Variants in PAGE3 observed in about 807,000 individuals in gnomAD.
PAGE3 encodes the protein PAGE family member 3, also known as P antigen family member 3.
In PAGE3, 9 loss-of-function variants were observed where a neutral mutation model predicts 3.8. The ratio of observed to expected loss-of-function variants is 2.36; its 90% confidence interval spans 1.42 to 4.12. The LOEUF is 4.12. Among genes scored for constraint, PAGE3 ranks in the 30% most tolerant of loss-of-function variants. The pLI is 0.00. For missense variants in PAGE3, 73 were observed against 37.8 expected, an observed-to-expected ratio of 1.93 and a Z score of -2.44; for synonymous variants, 24 against 13.1, an observed-to-expected ratio of 1.83 and a Z score of -1.79.
At chrX:55,262,199 T>G (rs182373819) in intron 3 of PAGE3, among the ~76,000 whole-genome samples, 23 of 111,914 alleles carry the variant, frequency 2.1e-4, no homozygotes, top group African/African-American at 7.1e-4. Flanking sequence ...CAAAATGCCA[T>G]ACCTGGAAGA....
intron 2 of PAGE3, 96 bp downstream of exon 2, chrX:55,263,724 A>G (rs1938339573): frequency 2.2e-6 from 1 of 445,133 alleles, no homozygotes; most frequent in Non-Finnish European, 3.9e-6. Context: ...ACCATTTACA[A>G]GCATGGAAAA....
chrX:55,263,333 C>G lies in PAGE3; in HGVS notation c.111G>C (p.Gln37His). 1 of 569,146 alleles carries G rather than the reference C, an allele frequency of 1.8e-6. No homozygotes were observed. The highest frequency in any genetic ancestry group is 3.2e-6 in the Non-Finnish European group (1 of 308,804). The allele number at this position is 569,146 out of a possible 1,213,427, so 46.9% of individuals were successfully genotyped here. ...CAATTGGTGGTTCCTCTTGTTGAAG[C>G]TGGTCATTACTGGGCAGCTCCTGGG... ...VVAQELPSNDQLQQEEPPIES... is the reference protein window; with the variant it reads ...VVAQELPSNDHLQQEEPPIES... The change falls in exon 3 of 5, where the codon CAG (glutamine) becomes CAC (histidine). Residue 37 changes from glutamine to histidine, a missense_variant. Coordinates refer to ENST00000374951, the MANE Select transcript of PAGE3 (RefSeq NM_001017931.3).
intron 1 of PAGE3, among the ~76,000 whole-genome samples, chrX:55,264,316 G>A (rs749154327): frequency 2.7e-5 from 3 of 110,771 alleles, no homozygotes; most frequent in African/African-American, 9.8e-5. Flanking sequence ...ATTCCTGCCC[G>A]AGATGTCAGT....
intron 3 of PAGE3, among the ~76,000 whole-genome samples, chrX:55,262,713 T>TATATATATATATATATGTA (rs1938309438): frequency 2.7e-5 from 1 of 37,293 alleles, no homozygotes; most frequent in African/African-American, 4.5e-5. Context: ...GATATATATA[T>TATATATATATATATATGTA]ATATATATAT....
At chrX:55,262,887 G>A (rs894154613) in intron 3 of PAGE3, among the ~76,000 whole-genome samples, 2 of 107,012 alleles carry the variant, frequency 1.9e-5, no homozygotes, top group African/African-American at 3.4e-5. Flanking sequence ...AGCACTCTAC[G>A]CATGCTATTA....
rs1359218103 is a variant in PAGE3, at chrX:55,263,353, C to T, written c.91G>A (p.Glu31Lys). 2 of 565,467 alleles carry T rather than the reference C, an allele frequency of 3.5e-6. No individual in the cohort carries two copies. Among genetic ancestry groups the T allele is most frequent in the Admixed American group, 2.3e-5 (1 of 44,359 alleles). The allele number at this position is 565,467 out of a possible 1,213,427, so 46.6% of individuals were successfully genotyped here. ...NHPVGAVVAQ[E>K]LPSNDQLQQE... ...TGAAGCTGGTCATTACTGGGCAGCTCCTGGGCCTAGGAATATGAGTGCGTG... is the reference window on the plus strand; with the variant it reads ...TGAAGCTGGTCATTACTGGGCAGCTTCTGGGCCTAGGAATATGAGTGCGTG... The change falls in exon 3 of 5, where the codon GAG becomes AAG. Residue 31 changes from glutamate (E) to lysine (K), a missense_variant. Physicochemically the swap from Glu to Lys is moderately conservative, Grantham distance 56. Coordinates refer to ENST00000374951, the MANE Select transcript of PAGE3 (RefSeq NM_001017931.3).
rs143395713 is a variant in PAGE3 at position 55,260,132 on chromosome X, A to C, written c.319+402T>G. Among the ~76,000 whole-genome samples the C allele has an allele frequency of 3.7e-3, 414 of 111,880 alleles. 2 individuals carry two copies. The highest frequency in any genetic ancestry group is 0.013 in the African/African-American group (396 of 30,911). On this transcript the variant is annotated intron_variant, in intron 4 of 4. Coordinates refer to ENST00000374951, the MANE Select transcript of PAGE3 (RefSeq NM_001017931.3). ...GGTTTAGAAGATAAGGAATTTGCCC[A>C]AAGTCAGTGAAATTTTGTTAGAGCT...
At chrX:55,260,799 A>G (rs973767020) in intron 3 of PAGE3, 140 bp from the exon 4 acceptor site, 1 of 349,177 alleles carries the variant, frequency 2.9e-6, no homozygotes, top group Non-Finnish European at 5.1e-6. Context: ...TAAGAATTTC[A>G]AGAACATTAT....
chrX:55,259,789 T>G (rs1938254098), intron 4 of PAGE3, among the ~76,000 whole-genome samples: 1 of 111,036 alleles, frequency 9.0e-6, no homozygotes, highest in East Asian at 2.8e-4. Flanking sequence ...CTCATATAAT[T>G]TTATATTTTT....
Position 55,258,485 on chromosome X carries a change from A to C in PAGE3, c.*21T>G, listed in dbSNP as rs768616727. 14 of 560,684 alleles carry C rather than the reference A, an allele frequency of 2.5e-5. No homozygotes were observed. Among genetic ancestry groups the C allele is most frequent in the African/African-American group, 4.5e-5 (2 of 44,287 alleles). The allele number at this position is 560,684 out of a possible 1,213,427, so 46.2% of individuals were successfully genotyped here. On this transcript the variant is annotated 3_prime_UTR_variant, in exon 5 of 5. Transcript: ENST00000374951. The stretch of plus-strand genomic sequence containing the variant: ...AGTTTCCAACATAAAGACTGCATGT[A>C]TGGTTTCAGCTTGTCTTCATTTAAA...
chrX:55,263,125 A>G (rs1938320610), intron 3 of PAGE3, 126 bp downstream of exon 3: 1 of 414,942 alleles, frequency 2.4e-6, no homozygotes, highest in African/African-American at 2.6e-5. Context: ...TTTTCCAGCC[A>G]ATTTTCAGGA....
Position 55,263,923 on chromosome X carries a change from A to T in PAGE3, c.-8-12T>A, listed in dbSNP as rs767347994. 1.8e-6 allele frequency: 1 copy of T among 558,462 alleles called. No homozygotes were observed. Among genetic ancestry groups the T allele is most frequent in the Non-Finnish European group, 3.3e-6 (1 of 306,339 alleles). The allele number at this position is 558,462 out of a possible 1,213,427, so 46.0% of individuals were successfully genotyped here. A position where few individuals can be genotyped will look rare whatever the true frequency, so the allele number is the denominator to read the frequency against. ...ACTCATGTTTCACTCTGAAAGTGGC[A>T]TACTGTGATTCAGAAAATGTACATA... On this transcript the variant is annotated splice_polypyrimidine_tract_variant and intron_variant, in intron 1 of 4. Coordinates refer to ENST00000374951, the MANE Select transcript of PAGE3 (RefSeq NM_001017931.3).
rs1336169869 is a variant in PAGE3, at chrX:55,263,841, A to G, written c.63T>C (p.Asn21=). 2 of 569,208 alleles carry G rather than the reference A, an allele frequency of 3.5e-6. No individual in the cohort carries two copies. The highest frequency in any genetic ancestry group is 4.4e-5 in the Admixed American group (2 of 44,979). 46.9% of individuals were successfully genotyped at this position (569,208 alleles called of 1,213,427 possible). ...TCACAACCACAGCCCCTACTGGATG[A>G]TTAGAGTCTTGATCATCTCTTCTTT... ...SRERRDDQDS[N]HPVGAVVAQE... Residue 21 remains asparagine (N), a synonymous_variant, in exon 2 of 5, where the codon AAT becomes AAC. Coordinates refer to ENST00000374951, the MANE Select transcript of PAGE3 (RefSeq NM_001017931.3).
intron 3 of PAGE3, among the ~76,000 whole-genome samples, chrX:55,263,013 A>G (rs1446243211): frequency 9.1e-6 from 1 of 109,689 alleles, no homozygotes; most frequent in Non-Finnish European, 1.9e-5. Flanking sequence ...GTTTCCCTGG[A>G]TTTGCTAATG....
Position 55,259,902 on chromosome X carries a change from A to G in PAGE3, c.319+632T>C, listed in dbSNP as rs941147321. On this transcript the variant is annotated intron_variant, in intron 4 of 4. Coordinates refer to ENST00000374951, the MANE Select transcript of PAGE3 (RefSeq NM_001017931.3). Reference sequence around the variant, plus strand: ...AAATATTTTTAATCTAAATATTCTAATGGAATGGATCAGGAATGTAGAGCA... The same window carrying G: ...AAATATTTTTAATCTAAATATTCTAGTGGAATGGATCAGGAATGTAGAGCA... Among the ~76,000 whole-genome samples the G allele has an allele frequency of 1.1e-4, 12 of 111,327 alleles. No individual in the cohort carries two copies. The East Asian group carries it at 3.1e-3, about 29-fold the overall frequency.
At chrX:55,263,941 T>C (rs755671765) in intron 1 of PAGE3, 30 bp from the exon 2 acceptor site, 8 of 547,583 alleles carry the variant, frequency 1.5e-5, no homozygotes, top group Non-Finnish European at 3.3e-6. Flanking sequence ...ATTCAGAAAA[T>C]GTACATAAGA....
intron 4 of PAGE3, among the ~76,000 whole-genome samples, chrX:55,260,114 A>T (rs1394461243): frequency 8.9e-6 from 1 of 111,772 alleles, no homozygotes; most frequent in Admixed American, 9.5e-5. Context: ...ATGGGTTTAG[A>T]AGATAAGGAA....
chrX:55,263,472 AT>A (rs770424128), intron 2 of PAGE3, 113 bp from the exon 3 acceptor site: 8 of 431,018 alleles, frequency 1.9e-5, no homozygotes, highest in South Asian at 8.0e-5. Context: ...GTCTAAAGAC[AT>A]TTTTTTCCTA....
At chrX:55,262,698 C>A (rs1420672661) in intron 3 of PAGE3, among the ~76,000 whole-genome samples, 1 of 32,432 alleles carries the variant, frequency 3.1e-5, no homozygotes, top group African/African-American at 8.4e-5. Context: ...CAAGGTGTTA[C>A]ATATGATATA....
Sources: gnomAD v4.1 joint callset for allele counts (sites outside exome capture counted in the v4.1 genomes callset) on GRCh38, gnomAD v4.1.1 for gene constraint, MANE v1.5 for transcripts, NCBI Gene and HGNC (gene_info 2026-07-23, HGNC 2026-07-21) for gene names.